Variants in CDH19 observed in about 807,000 individuals in gnomAD.
CDH19 encodes cadherin-19.
A neutral mutation model predicts 64.2 loss-of-function variants in CDH19; 67 were observed. The ratio of observed to expected loss-of-function variants is 1.04; its 90% confidence interval spans 0.86 to 1.28. The LOEUF is 1.28. Ranked by LOEUF, CDH19 falls within the 50% of genes most tolerant of loss-of-function variation. The pLI, the probability that CDH19 is intolerant of heterozygous loss-of-function variation, is 0.00. For synonymous variants in CDH19, 346 were observed against 319.3 expected (o/e 1.08, Z -0.89); for missense variants, 1,030 against 929.0 (o/e 1.11, Z -1.41).
intron 8 of CDH19, among the ~76,000 whole-genome samples, chr18:66,531,741 A>T (rs946079084): frequency 4.6e-5 from 7 of 152,124 alleles, no homozygotes; most frequent in African/African-American, 1.2e-4. Flanking sequence ...ATTCTGAAAA[A>T]TGGGTGTGAT....
intron 1 of CDH19, among the ~76,000 whole-genome samples, chr18:66,599,169 T>C (rs1419651198): frequency 6.6e-6 from 1 of 152,158 alleles, no homozygotes; most frequent in African/African-American, 2.4e-5. Flanking sequence ...TGAAAAGGTA[T>C]TGTCAACATA....
chr18:66,582,012 T>C (rs1308351289), intron 1 of CDH19, among the ~76,000 whole-genome samples: 1 of 152,108 alleles, frequency 6.6e-6, no homozygotes, highest in Non-Finnish European at 1.5e-5. Flanking sequence ...CTTAAAGACA[T>C]CAAGTGTATT....
chr18:66,553,603 T>TA (rs1987414776), intron 4 of CDH19, among the ~76,000 whole-genome samples: 1 of 134,050 alleles, frequency 7.5e-6, no homozygotes, highest in Admixed American at 7.3e-5. Flanking sequence ...TTCCTTGTAT[T>TA]AAAAACCATA....
chr18:66,539,081 A>G (rs1402651732), intron 7 of CDH19, among the ~76,000 whole-genome samples: 1 of 152,150 alleles, frequency 6.6e-6, no homozygotes, highest in Admixed American at 6.5e-5. Context: ...TGCTTGGAAG[A>G]GGGATTGCTG....
intron 9 of CDH19, among the ~76,000 whole-genome samples, chr18:66,525,884 A>G (rs1986202369): frequency 6.6e-6 from 1 of 151,998 alleles, no homozygotes. Context: ...CAAAATAATT[A>G]TTTCATGATG....
chr18:66,538,722 T>TCA (rs1986774201), intron 7 of CDH19, among the ~76,000 whole-genome samples: 1 of 152,096 alleles, frequency 6.6e-6, no homozygotes, highest in Admixed American at 6.6e-5. Flanking sequence ...ATCAACAGGG[T>TCA]CATGCTTCCT....
At chr18:66,517,157 G>A (rs907061757) in intron 9 of CDH19, among the ~76,000 whole-genome samples, 2 of 151,876 alleles carry the variant, frequency 1.3e-5, no homozygotes, top group Non-Finnish European at 2.9e-5. Context: ...GTAGTCGAGA[G>A]GAAGAAGTGG....
intron 1 of CDH19, among the ~76,000 whole-genome samples, chr18:66,595,100 G>A (rs1267621570): frequency 2.6e-5 from 4 of 151,780 alleles, no homozygotes; most frequent in East Asian, 1.9e-4. Flanking sequence ...CGACCTTCAG[G>A]TCAACAATGA....
chr18:66,531,238 T>C (rs1325137277), intron 8 of CDH19, among the ~76,000 whole-genome samples: 4 of 152,152 alleles, frequency 2.6e-5, no homozygotes, highest in Non-Finnish European at 4.4e-5. Context: ...ATCCAAATTA[T>C]ATAAACGACT....
chr18:66,503,099 G>T lies in CDH19; in HGVS notation c.*1713C>A, dbSNP rs1054849122. ...TCTCACATGCTATTAATAAAAAAATGATCATATGAACCAATTTTAAGAATT... is the reference window on the plus strand; with the variant it reads ...TCTCACATGCTATTAATAAAAAAATTATCATATGAACCAATTTTAAGAATT... On this transcript the variant is annotated 3_prime_UTR_variant, in exon 12 of 12. Transcript: ENST00000262150. The T allele has an allele frequency of 1.3e-5, 2 of 151,478 alleles. No individual in the cohort carries two copies. The highest frequency in any genetic ancestry group is 4.8e-5 in the African/African-American group (2 of 41,362). 9.4% of individuals were successfully genotyped at this position (151,478 alleles called of 1,614,324 possible).
intron 2 of CDH19, among the ~76,000 whole-genome samples, chr18:66,569,785 A>C (rs2144575581): frequency 6.6e-6 from 1 of 151,838 alleles, no homozygotes; most frequent in East Asian, 1.9e-4. Flanking sequence ...CCATTTATGA[A>C]AATGCTCTTA....
At chr18:66,578,883 A>T (rs1988342334) in intron 1 of CDH19, among the ~76,000 whole-genome samples, 1 of 151,966 alleles carries the variant, frequency 6.6e-6, no homozygotes, top group South Asian at 2.1e-4. Flanking sequence ...AAGCCTGCCA[A>T]CAAATTCAGG....
chr18:66,565,609 C>A (rs1168967621), intron 3 of CDH19, among the ~76,000 whole-genome samples: 1 of 151,590 alleles, frequency 6.6e-6, no homozygotes, highest in Non-Finnish European at 1.5e-5. Context: ...GTAATAAAAC[C>A]CGCAGTATTC....
At chr18:66,556,039 C>A (rs1167515885) in intron 3 of CDH19, among the ~76,000 whole-genome samples, 1 of 151,544 alleles carries the variant, frequency 6.6e-6, no homozygotes. Flanking sequence ...ACCAAGAAGT[C>A]CAGAAAATGC....
rs557200094 is a variant in CDH19 at position 66,582,135 on chromosome 18, A to T, written c.-112-9819T>A. ...CATTGAATAAAGATCTATAAATTAC[A>T]TTTTAACGTTTGGACCATTCTTCAA... On this transcript the variant is annotated intron_variant, in intron 1 of 11. Coordinates refer to ENST00000262150, the MANE Select transcript of CDH19 (RefSeq NM_021153.4). Among the ~76,000 whole-genome samples the T allele has an allele frequency of 1.4e-4, 21 of 152,288 alleles. No homozygotes were observed. In the South Asian group the frequency reaches 4.3e-3, roughly 32 times the overall value.
intron 9 of CDH19, among the ~76,000 whole-genome samples, chr18:66,525,910 A>C (rs1046749821): frequency 6.6e-6 from 1 of 152,110 alleles, no homozygotes; most frequent in African/African-American, 2.4e-5. Context: ...CACTCTCCTT[A>C]AGGGAAATTG....
Position 66,504,069 on chromosome 18 carries a change from T to A in CDH19, c.*743A>T, listed in dbSNP as rs187088877. 6.6e-6 allele frequency: 1 copy of A among 152,052 alleles called. No individual in the cohort carries two copies. Among genetic ancestry groups the A allele is most frequent in the African/African-American group, 2.4e-5 (1 of 41,578 alleles). 9.4% of individuals were successfully genotyped at this position (152,052 alleles called of 1,614,324 possible). On this transcript the variant is annotated 3_prime_UTR_variant, in exon 12 of 12. Coordinates refer to ENST00000262150, the MANE Select transcript of CDH19 (RefSeq NM_021153.4). ...ATCTTAATTCAGTGCCTTTCTCACA[T>A]TAACCATTTAAAAAGGTTGAGCGTT...
At position 66,604,075 on chromosome 18, in the gene CDH19, C is replaced by T. The variant is rs1451221956; in HGVS notation, c.-234G>A. The T allele has an allele frequency of 6.6e-6, 1 of 152,068 alleles. No homozygotes were observed. Among genetic ancestry groups the T allele is most frequent in the African/African-American group, 2.4e-5 (1 of 41,416 alleles). 9.4% of individuals were successfully genotyped at this position (152,068 alleles called of 1,614,324 possible). A position where few individuals can be genotyped will look rare whatever the true frequency, so the allele number is the denominator to read the frequency against. On this transcript the variant is annotated 5_prime_UTR_variant, in exon 1 of 12. Transcript: ENST00000262150. ...CTTCACAGTCTTCTCAGCAAACTCT[C>T]GATGTGCCCCATTGCCCAGAGTTAC...
At chr18:66,528,258 T>C (rs1986301051) in intron 9 of CDH19, among the ~76,000 whole-genome samples, 1 of 152,106 alleles carries the variant, frequency 6.6e-6, no homozygotes, top group East Asian at 1.9e-4. Flanking sequence ...AAATATATAA[T>C]CTACTTATAG....
Sources: allele counts gnomAD v4.1 joint callset (sites outside exome capture counted in the v4.1 genomes callset), GRCh38; gene constraint gnomAD v4.1.1; transcripts MANE v1.5; gene names NCBI Gene and HGNC (gene_info 2026-07-23, HGNC 2026-07-21).